SNTG2: variants seen among roughly 807,000 people sequenced by gnomAD.
The protein encoded by SNTG2 is syntrophin gamma 2.
In SNTG2, 74 loss-of-function variants were observed where a neutral mutation model predicts 70.9. That is an observed-to-expected ratio of 1.04 (90% CI 0.86 to 1.27). The LOEUF is 1.27. Ranked by LOEUF, SNTG2 falls within the 50% of genes most tolerant of loss-of-function variation. SNTG2 has a pLI of 0.00. For synonymous variants in SNTG2, 278 were observed against 273.8 expected (o/e 1.02, Z -0.15); for missense variants, 717 against 690.7 (o/e 1.04, Z -0.43).
At chr2:987,531 T>C (rs1461657547) in intron 1 of SNTG2, among the ~76,000 whole-genome samples, 3 of 151,984 alleles carry the variant, frequency 2.0e-5, no homozygotes, top group African/African-American at 4.8e-5. Flanking sequence ...GTTAAGTGCC[T>C]GGAGCCAGGG....
chr2:1,079,370 T>C (rs989488109), intron 1 of SNTG2, among the ~76,000 whole-genome samples: 6 of 152,352 alleles, frequency 3.9e-5, no homozygotes, highest in Admixed American at 3.3e-4. Flanking sequence ...TTTGACATAA[T>C]GTGTGTTAGT....
At chr2:1,341,070 T>G (rs1278705059) in intron 16 of SNTG2, 1 of 152,212 alleles carries the variant, frequency 6.6e-6, no homozygotes, top group Admixed American at 6.5e-5. Context: ...CGTGCCTTTC[T>G]GAGACCTTTG....
chr2:1,211,255 G>A (rs1674021932), intron 9 of SNTG2, among the ~76,000 whole-genome samples: 1 of 152,196 alleles, frequency 6.6e-6, no homozygotes, highest in Admixed American at 6.5e-5. Context: ...TATCTCTCTT[G>A]ACAAAGAGGG....
chr2:1,268,203 A>G (rs547952244), intron 14 of SNTG2, among the ~76,000 whole-genome samples: 1 of 152,362 alleles, frequency 6.6e-6, no homozygotes, highest in East Asian at 1.9e-4. Flanking sequence ...GAAGAGTGAC[A>G]GGAGATAAAT....
At chr2:966,869 C>T (rs1341114741) in intron 1 of SNTG2, among the ~76,000 whole-genome samples, 1 of 152,104 alleles carries the variant, frequency 6.6e-6, no homozygotes, top group African/African-American at 2.4e-5. Context: ...ATTGCTTGAA[C>T]CTGGGAGGTG....
At chr2:1,310,979 T>C (rs1358883680) in intron 15 of SNTG2, among the ~76,000 whole-genome samples, 1 of 152,224 alleles carries the variant, frequency 6.6e-6, no homozygotes, top group Non-Finnish European at 1.5e-5. Flanking sequence ...GTCTACAGCC[T>C]GGAGTGCCTC....
In SNTG2 at chr2:1,103,668, G is replaced by A. The variant is rs552626939; in HGVS notation, c.325+5258G>A. Among the ~76,000 whole-genome samples the A allele has an allele frequency of 1.1e-3, 164 of 152,284 alleles. 2 individuals are homozygous for A. The South Asian group carries it at 0.02, about 18-fold the overall frequency. ...CTCCCAAAGTACTGGGATTACGGGCGTGAGCCACCGCGCCTGGCCATGATT... is the reference window on the plus strand; with the variant it reads ...CTCCCAAAGTACTGGGATTACGGGCATGAGCCACCGCGCCTGGCCATGATT... On this transcript the variant is annotated intron_variant, in intron 4 of 16. Coordinates refer to ENST00000308624, the MANE Select transcript of SNTG2 (RefSeq NM_018968.4).
chr2:1,133,360 G>A (rs1251472302), intron 4 of SNTG2, among the ~76,000 whole-genome samples: 1 of 152,140 alleles, frequency 6.6e-6, no homozygotes, highest in African/African-American at 2.4e-5. Flanking sequence ...TAACACAGTT[G>A]TGTTCCAAAC....
At chr2:1,140,798 TA>T (rs1188529278) in intron 6 of SNTG2, among the ~76,000 whole-genome samples, 4 of 130,440 alleles carry the variant, frequency 3.1e-5, no homozygotes, top group Non-Finnish European at 6.5e-5. Context: ...AGTTACAGTC[TA>T]AGTTCTTAAG....
At chr2:1,271,675 A>G (rs919405872) in intron 14 of SNTG2, among the ~76,000 whole-genome samples, 19 of 152,074 alleles carry the variant, frequency 1.2e-4, no homozygotes, top group African/African-American at 4.6e-4. Flanking sequence ...CAGTCATAAG[A>G]TGCTTGTGGA....
intron 16 of SNTG2, among the ~76,000 whole-genome samples, chr2:1,330,190 T>G (rs991209815): frequency 6.6e-6 from 1 of 152,230 alleles, no homozygotes; most frequent in African/African-American, 2.4e-5. Flanking sequence ...GAGGAATATT[T>G]TGGTTTTCTT....
intron 6 of SNTG2, among the ~76,000 whole-genome samples, chr2:1,147,044 T>C (rs897742424): frequency 1.3e-5 from 2 of 152,232 alleles, no homozygotes; most frequent in Non-Finnish European, 2.9e-5. Flanking sequence ...ATATCAGCAT[T>C]TAAGTATTGT....
chr2:1,333,759 T>C (rs1168946303), intron 16 of SNTG2, among the ~76,000 whole-genome samples: 2 of 152,158 alleles, frequency 1.3e-5, no homozygotes, highest in East Asian at 3.9e-4. Flanking sequence ...AAGTGGATCC[T>C]CATCTCTCAC....
intron 9 of SNTG2, among the ~76,000 whole-genome samples, chr2:1,228,943 T>TA: frequency 6.6e-6 from 1 of 152,294 alleles, no homozygotes; most frequent in East Asian, 1.9e-4. Context: ...CGGTGAGTGT[T>TA]ACAGCTCTTA....
At chr2:1,067,309 C>G (rs1663224106) in intron 1 of SNTG2, among the ~76,000 whole-genome samples, 1 of 151,888 alleles carries the variant, frequency 6.6e-6, no homozygotes, top group Non-Finnish European at 1.5e-5. Context: ...TATAACATCA[C>G]CGGTTTATCA....
At chr2:985,561 A>G (rs1661278413) in intron 1 of SNTG2, among the ~76,000 whole-genome samples, 1 of 152,078 alleles carries the variant, frequency 6.6e-6, no homozygotes, top group South Asian at 2.1e-4. Context: ...AACCAAGGCC[A>G]TTTTGCTTTT....
chr2:1,263,463 A>T (rs1227190469), intron 13 of SNTG2, among the ~76,000 whole-genome samples: 1 of 152,194 alleles, frequency 6.6e-6, no homozygotes, highest in Admixed American at 6.5e-5. Context: ...TAATAAATAT[A>T]AATAGAAAAA....
chr2:1,299,145 C>T (rs981032148), intron 14 of SNTG2, among the ~76,000 whole-genome samples: 23 of 152,178 alleles, frequency 1.5e-4, no homozygotes, highest in African/African-American at 5.3e-4. Context: ...GGCGCAACAT[C>T]GGGAGCCAAC....
At chr2:1,059,313 T>C (rs961892883) in intron 1 of SNTG2, 1 of 151,546 alleles carries the variant, frequency 6.6e-6, no homozygotes, top group Non-Finnish European at 1.5e-5. Context: ...GAAAGCCAAA[T>C]ATCACAGGTC....
Sources: gnomAD v4.1 joint callset for allele counts (sites outside exome capture counted in the v4.1 genomes callset) on GRCh38, gnomAD v4.1.1 for gene constraint, MANE v1.5 for transcripts, NCBI Gene and HGNC (gene_info 2026-07-23, HGNC 2026-07-21) for gene names.